Variants in SPTBN4 observed in about 807,000 individuals in gnomAD.
The protein encoded by SPTBN4 is spectrin beta chain, non-erythrocytic 4.
A neutral mutation model predicts 277.8 loss-of-function variants in SPTBN4; 96 were observed. The observed-to-expected ratio is 0.35, with a 90% CI of 0.29 to 0.41. The LOEUF (loss-of-function observed/expected upper bound fraction) is 0.41, where lower values mean the gene tolerates loss of function less well. Ranked by LOEUF, SPTBN4 falls within the 10% of genes least tolerant of loss-of-function variation. The pLI is 1.00. For missense variants in SPTBN4, 3,006 were observed against 3,595.7 expected (o/e 0.84, Z 4.19); for synonymous variants, 1,481 against 1,580.3 (o/e 0.94, Z 1.49).
In SPTBN4 at chr19:40,467,178, CGGGCCGGCGGGGCCG is replaced by C. The variant is rs2079833089; in HGVS notation, c.-142_-128del. 1 of 149,272 alleles carries C rather than the reference CGGGCCGGCGGGGCCG, an allele frequency of 6.7e-6. No homozygotes were observed. The highest frequency in any genetic ancestry group is 1.5e-5 in the Non-Finnish European group (1 of 66,650). The allele number at this position is 149,272 out of a possible 1,614,324, so 9.2% of individuals were successfully genotyped here. ...GGCGCATGCGGATCTGGCTGAGCCG[CGGGCCGGCGGGGCCG>C]AGCTGAGCCGGGCTGGGCCGGGCCG... On this transcript the variant is annotated 5_prime_UTR_variant, in exon 1 of 36. Transcript: ENST00000598249.
intron 35 of SPTBN4, 133 bp from the exon 36 acceptor site, chr19:40,575,278 G>A (rs1012601823): frequency 1.0e-5 from 11 of 1,078,998 alleles, no homozygotes; most frequent in Non-Finnish European, 1.4e-5. Flanking sequence ...CTATGTAACT[G>A]CATCATCATC....
intron 6 of SPTBN4, among the ~76,000 whole-genome samples, chr19:40,496,858 AG>A (rs2145838381): frequency 6.6e-6 from 1 of 151,962 alleles, no homozygotes; most frequent in Admixed American, 6.6e-5. Flanking sequence ...AGATCACTTG[AG>A]GTCAGGAGTT....
At chr19:40,492,030 CA>C (rs1461910694) in intron 4 of SPTBN4, among the ~76,000 whole-genome samples, 19 of 136,854 alleles carry the variant, frequency 1.4e-4, no homozygotes, top group African/African-American at 5.4e-4. Context: ...CTAAAAAAAA[CA>C]AAAACAAAAC....
rs781430619 is a variant in SPTBN4, at chr19:40,503,996, G to A, written c.1529G>A (p.Arg510His). The change falls in exon 12 of 36, where the codon CGT becomes CAT. Residue 510 changes from arginine to histidine, a missense_variant. This residue lies in a region of SPTBN4 where 1,759 missense variants were observed against 2,061.5 expected (regional missense o/e 0.85). Transcript: ENST00000598249. ...YYDIRRVAAQ[R>H]DSVLRQWALL... ...GATATCCGGCGGGTGGCAGCCCAGCGTGACAGCGTCCTGCGCCAGTGGGCC... is the reference window on the plus strand; with the variant it reads ...GATATCCGGCGGGTGGCAGCCCAGCATGACAGCGTCCTGCGCCAGTGGGCC... 17 of 1,614,006 alleles carry A rather than the reference G, an allele frequency of 1.1e-5. No homozygotes were observed. The highest frequency in any genetic ancestry group is 1.1e-5 in the Non-Finnish European group (13 of 1,180,010).
At chr19:40,531,228 C>T (rs2080666452) in intron 18 of SPTBN4, among the ~76,000 whole-genome samples, 1 of 151,986 alleles carries the variant, frequency 6.6e-6, no homozygotes, top group Non-Finnish European at 1.5e-5. Flanking sequence ...TCACTGCGGG[C>T]TGTGGTTGCC....
chr19:40,504,160 T>C, intron 12 of SPTBN4, 28 bp downstream of exon 12: 1 of 1,016,118 alleles, frequency 9.8e-7, no homozygotes, highest in Non-Finnish European at 1.4e-6. Flanking sequence ...GGGATGCGGG[T>C]GGAGTGCCAG....
Position 40,512,611 on chromosome 19 carries a change from C to T in SPTBN4, c.1822C>T (p.Gln608Ter). ...CTCCCCTTCTCCTGGCTCAGGCTAC[C>T]AGCCCTGCGACCCGCAGGTCATCTG... ...ALRFSQLQGYQPCDPQVICNR... is the reference protein window; with the variant it reads ...ALRFSQLQGY The change falls in exon 14 of 36, where the codon CAG (glutamine) becomes TAG (stop). Residue 608 changes from glutamine (Q) to a stop codon, truncating the protein, a stop_gained. Transcript: ENST00000598249. LOFTEE classifies it high-confidence loss of function. 1 of 1,533,364 alleles carries T rather than the reference C, an allele frequency of 6.5e-7. No individual in the cohort carries two copies. The highest frequency in any genetic ancestry group is 1.2e-5 in the South Asian group (1 of 84,374). 95.0% of individuals were successfully genotyped at this position (1,533,364 alleles called of 1,614,324 possible).
At chr19:40,536,204 C>T (rs1046151241) in intron 20 of SPTBN4, among the ~76,000 whole-genome samples, 7 of 151,496 alleles carry the variant, frequency 4.6e-5, no homozygotes, top group South Asian at 2.1e-4. Context: ...CTTTTCCCCT[C>T]CCTTCCTTCC....
chr19:40,487,800 C>T lies in SPTBN4; in HGVS notation c.273C>T (p.Asp91=), dbSNP rs945067476. Residue 91 remains aspartate (D), a synonymous_variant, in exon 3 of 36, where the codon GAC becomes GAT. Coordinates refer to ENST00000598249, the MANE Select transcript of SPTBN4 (RefSeq NM_020971.3). ...HIGDLYVDLR[D]GFVLTRLLEV... ...GGGACCTCTATGTGGACCTCCGGGACGGCTTCGTGCTCACGCGGCTCCTGG... is the reference window on the plus strand; with the variant it reads ...GGGACCTCTATGTGGACCTCCGGGATGGCTTCGTGCTCACGCGGCTCCTGG... 3 of 1,611,622 alleles carry T rather than the reference C, an allele frequency of 1.9e-6. No homozygotes were observed. The highest frequency in any genetic ancestry group is 1.7e-6 in the Non-Finnish European group (2 of 1,178,982).
At chr19:40,525,174 G>C (rs995784043) in intron 17 of SPTBN4, among the ~76,000 whole-genome samples, 1 of 152,086 alleles carries the variant, frequency 6.6e-6, no homozygotes, top group Non-Finnish European at 1.5e-5. Flanking sequence ...TTCTGTTTAC[G>C]GCTCAGACAT....
intron 14 of SPTBN4, 115 bp downstream of exon 14, chr19:40,513,669 C>T (rs2080421800): frequency 8.9e-7 from 1 of 1,124,658 alleles, no homozygotes; most frequent in Admixed American, 2.9e-5. Flanking sequence ...CCAATCCCTG[C>T]TTCACCCATA....
chr19:40,497,750 C>T, intron 7 of SPTBN4, 146 bp downstream of exon 7: 1 of 663,848 alleles, frequency 1.5e-6, no homozygotes, highest in Admixed American at 2.4e-5. Context: ...TCCCAACTGT[C>T]TCCTCAGCCT....
chr19:40,513,648 A>C, intron 14 of SPTBN4, 94 bp downstream of exon 14: 1 of 1,289,678 alleles, frequency 7.8e-7, no homozygotes, highest in Non-Finnish European at 1.0e-6. Context: ...GCTCAGCTGG[A>C]ACTAGGAGTT....
intron 2 of SPTBN4, among the ~76,000 whole-genome samples, chr19:40,486,281 A>AC (rs1432543136): frequency 6.6e-6 from 1 of 151,464 alleles, no homozygotes. Flanking sequence ...ACGTAGTGAG[A>AC]CCCCCGTCTC....
Position 40,515,335 on chromosome 19 carries a change from G to GA in SPTBN4, c.2792dup (p.Asn931LysfsTer27), listed in dbSNP as rs1248329968. On this transcript the variant is annotated frameshift_variant, in exon 15 of 36. Transcript: ENST00000598249. LOFTEE classifies it high-confidence loss of function. This position sits in a 1 kb window ranked among gnomAD's most constrained non-coding sequence, Gnocchi z 4.1. ...GATTCGAGAGCCTGGACCAAGAGAT[G>GA]AACAGCCTGATGGGCCGCGTTCTGG... The GA allele has an allele frequency of 4.3e-6, 7 of 1,612,654 alleles. No individual in the cohort carries two copies. Among genetic ancestry groups the GA allele is most frequent in the Non-Finnish European group, 5.9e-6 (7 of 1,179,558 alleles).
chr19:40,566,350 C>A lies in SPTBN4; in HGVS notation c.6327C>A (p.Arg2109=). 1 of 1,557,370 alleles carries A rather than the reference C, an allele frequency of 6.4e-7. No individual in the cohort carries two copies. The highest frequency in any genetic ancestry group is 1.2e-5 in the South Asian group (1 of 84,308). ...AAGAGAGGTTCAGCTCTCTGCGGCG[C>A]CTGACCACGGTCAGCTCCCCAGATA... The part of the protein sequence containing the change: ...AWEERFSSLR[R]LTTIEKIKAE... The change falls in exon 30 of 36, where the codon CGC becomes CGA. Residue 2109 remains arginine, a synonymous_variant. Coordinates refer to ENST00000598249, the MANE Select transcript of SPTBN4 (RefSeq NM_020971.3).
intron 17 of SPTBN4, chr19:40,524,512 C>CAA (rs373029329): frequency 5.9e-5 from 22 of 375,268 alleles, no homozygotes; most frequent in Admixed American, 8.4e-5. Context: ...GTCCCCCCTC[C>CAA]AAAAAAAAAA....
Position 40,534,082 on chromosome 19 carries a change from G to C in SPTBN4, c.4098G>C (p.Glu1366Asp). ...NKEWLEKIER[E>D]GQQLMQEKPE... Reference sequence around the variant, plus strand: ...TGCCATCCACCCACTTGGGGCAGGAGGGCCAGCAACTGATGCAGGAGAAGC... The same window carrying C: ...TGCCATCCACCCACTTGGGGCAGGACGGCCAGCAACTGATGCAGGAGAAGC... Residue 1366 changes from glutamate (E) to aspartate (D), a missense_variant and splice_region_variant, in exon 20 of 36, where the codon GAG (glutamate) becomes GAC (aspartate). This residue lies in a region of SPTBN4 where 1,759 missense variants were observed against 2,061.5 expected (regional missense o/e 0.85). Transcript: ENST00000598249. 6.2e-7 allele frequency: 1 copy of C among 1,600,310 alleles called. No individual in the cohort carries two copies. Among genetic ancestry groups the C allele is most frequent in the Non-Finnish European group, 8.6e-7 (1 of 1,169,360 alleles).
chr19:40,569,751 G>T (rs1412331407), intron 32 of SPTBN4, 25 bp downstream of exon 32: 1 of 1,597,424 alleles, frequency 6.3e-7, no homozygotes, highest in South Asian at 1.1e-5. Flanking sequence ...GGATGGGTGG[G>T]GATAGGAGGA....
Sources: allele counts gnomAD v4.1 joint callset (sites outside exome capture counted in the v4.1 genomes callset), GRCh38; gene constraint gnomAD v4.1.1; regional missense constraint gnomAD v4.1.1; non-coding constraint Gnocchi (gnomAD v3.1); transcripts MANE v1.5; gene names NCBI Gene and HGNC (gene_info 2026-07-23, HGNC 2026-07-21).